Variants in P2RX5 observed in about 807,000 individuals in gnomAD.
P2RX5 encodes the protein P2X purinoceptor 5.
Under a neutral mutation model 54.1 loss-of-function variants are expected in P2RX5, and 46 were observed. That is an observed-to-expected ratio of 0.85 (90% CI 0.67 to 1.09). The LOEUF is 1.09. P2RX5 is among the 50% of genes least tolerant of loss of function. P2RX5 has a pLI of 0.00. For missense variants in P2RX5, 566 were observed against 549.8 expected, an observed-to-expected ratio of 1.03 and a Z score of -0.29; for synonymous variants, 226 against 226.4, an observed-to-expected ratio of 1.00 and a Z score of 0.02.
rs2050752979 is a variant in P2RX5, at chr17:3,696,062, ACTCGGTCC to A, written c.-65_-58del. 6 of 1,597,180 alleles carry A rather than the reference ACTCGGTCC, an allele frequency of 3.8e-6. No individual in the cohort carries two copies. Among genetic ancestry groups the A allele is most frequent in the Non-Finnish European group, 5.1e-6 (6 of 1,170,186 alleles). The stretch of plus-strand genomic sequence containing the variant: ...CGGCCCACGTGCGCTCATGGGGAGC[ACTCGGTCC>A]CTCGGTCCCTGCGCGCCCGGCGCCC... On this transcript the variant is annotated 5_prime_UTR_variant, in exon 1 of 12. Coordinates refer to ENST00000225328, the MANE Select transcript of P2RX5 (RefSeq NM_002561.4).
At chr17:3,691,999 CA>C in intron 1 of P2RX5, 1 of 601,636 alleles carries the variant, frequency 1.7e-6, no homozygotes, top group East Asian at 2.9e-5. Context: ...GCAGAGGCGA[CA>C]AGCAACCCTA....
upstream of P2RX5, among the ~76,000 whole-genome samples, chr17:3,699,400 A>G (rs893301089): frequency 1.3e-5 from 2 of 151,970 alleles, no homozygotes; most frequent in African/African-American, 4.8e-5. Context: ...TCTTAAAAAA[A>G]ATTGACCAGG....
chr17:3,690,630 A>G lies in P2RX5; in HGVS notation c.411T>C (p.Ala137=), dbSNP rs748536925. Residue 137 remains alanine (A), a synonymous_variant, in exon 4 of 12, where the codon GCT becomes GCC. Transcript: ENST00000225328. ...CGTTTCCAGCTGTAACCGCTTCCCC[A>G]GCGTGGCAGTCGCTGTCCTTGGAGC... ...GACSKDSDCH[A]GEAVTAGNGV... 1.2e-6 allele frequency: 2 copies of G among 1,613,462 alleles called. No individual in the cohort carries two copies. Among genetic ancestry groups the G allele is most frequent in the South Asian group, 2.2e-5 (2 of 91,076 alleles).
the P2RX5 span, chr17:3,723,756 G>T: frequency 6.2e-7 from 1 of 1,606,384 alleles, no homozygotes; most frequent in Admixed American, 1.7e-5. Flanking sequence ...TGAAACGAGA[G>T]CCATGACCGC....
chr17:3,693,982 C>T (rs952326122), intron 1 of P2RX5, among the ~76,000 whole-genome samples: 2 of 152,038 alleles, frequency 1.3e-5, no homozygotes, highest in Non-Finnish European at 2.9e-5. Context: ...TCAGGCTAGC[C>T]TTGAACTCCT....
chr17:3,682,395 G>A (rs2050309279), intron 9 of P2RX5: 1 of 324,574 alleles, frequency 3.1e-6, no homozygotes, highest in Non-Finnish European at 6.0e-6. Context: ...ACTTCACTCA[G>A]CCTGGGGAGG....
Position 3,673,787 on chromosome 17 carries a change from C to T in P2RX5, c.*81G>A. 1 of 1,612,022 alleles carries T rather than the reference C, an allele frequency of 6.2e-7. No individual in the cohort carries two copies. Among genetic ancestry groups the T allele is most frequent in the Non-Finnish European group, 8.5e-7 (1 of 1,179,898 alleles). On this transcript the variant is annotated 3_prime_UTR_variant, in exon 12 of 12. Transcript: ENST00000225328. ...GTACAAATTTCCCGTTGGGCAGCATCCTGGGATTCCCAAAGGCATGGGATC... is the reference window on the plus strand; with the variant it reads ...GTACAAATTTCCCGTTGGGCAGCATTCTGGGATTCCCAAAGGCATGGGATC...
chr17:3,692,286 CA>C (rs1446435927), intron 1 of P2RX5, among the ~76,000 whole-genome samples: 2 of 151,984 alleles, frequency 1.3e-5, no homozygotes, highest in Admixed American at 6.5e-5. Flanking sequence ...CACTGCACTC[CA>C]GCCTGGGCGA....
At chr17:3,696,268 TTCC>T (rs113006222), upstream of P2RX5, 421 of 256,518 alleles carry the variant, frequency 1.6e-3, no homozygotes, top group Middle Eastern at 2.2e-3. Context: ...CTACCTCTTC[TTCC>T]TCCTCCTCCT....
chr17:3,678,006 C>G, intron 11 of P2RX5: 1 of 985,444 alleles, frequency 1.0e-6, no homozygotes, highest in Non-Finnish European at 1.2e-6. Flanking sequence ...ACTCCTCTAC[C>G]CAGTTCAGAG....
At chr17:3,689,722 T>G (rs537354182) in intron 6 of P2RX5, 92 bp from the exon 7 acceptor site, 2 of 1,525,882 alleles carry the variant, frequency 1.3e-6, no homozygotes, top group Non-Finnish European at 1.8e-6. Context: ...CCAACCTGAG[T>G]GCTGACAGCT....
chr17:3,695,713 C>T (rs2050739006), intron 1 of P2RX5, among the ~76,000 whole-genome samples, 156 bp downstream of exon 1: 1 of 152,158 alleles, frequency 6.6e-6, no homozygotes, highest in East Asian at 1.9e-4. Flanking sequence ...ACCCAAGGAC[C>T]CAAAGAGGAC....
chr17:3,698,511 C>A (rs1481443891), upstream of P2RX5, among the ~76,000 whole-genome samples: 1 of 152,016 alleles, frequency 6.6e-6, no homozygotes, highest in African/African-American at 2.4e-5. Flanking sequence ...GTAAGTGAGG[C>A]CCCAGAGCAG....
chr17:3,720,441 T>C, the P2RX5 span: 1 of 929,588 alleles, frequency 1.1e-6, no homozygotes, highest in African/African-American at 1.6e-5. Flanking sequence ...ACAAAACATA[T>C]TTTAGACATG....
the P2RX5 span, chr17:3,723,164 T>C: frequency 1.4e-6 from 1 of 713,622 alleles, no homozygotes; most frequent in Admixed American, 2.1e-5. Context: ...AGAGGGTTGG[T>C]TTTTTGCACC....
chr17:3,693,863 G>T (rs2143001792), intron 1 of P2RX5, among the ~76,000 whole-genome samples: 1 of 150,644 alleles, frequency 6.6e-6, no homozygotes, highest in African/African-American at 2.4e-5. Flanking sequence ...TTGCTCTGCT[G>T]CCCAGGCTGC....
the P2RX5 span, among the ~76,000 whole-genome samples, chr17:3,716,093 G>T: frequency 5.9e-5 from 9 of 151,564 alleles, no homozygotes; most frequent in East Asian, 3.9e-4. Context: ...GGGTCAGGGT[G>T]GGGGGAAGGG....
the P2RX5 span, among the ~76,000 whole-genome samples, chr17:3,707,549 A>T: frequency 6.6e-6 from 1 of 152,174 alleles, no homozygotes; most frequent in East Asian, 1.9e-4. Context: ...CTCCAACCTT[A>T]GCCTCAGATC....
the P2RX5 span, chr17:3,717,381 C>T: frequency 6.6e-6 from 1 of 152,266 alleles, no homozygotes; most frequent in African/African-American, 2.4e-5. Flanking sequence ...CAAATTATAT[C>T]CATGTGTACT....
Sources: gnomAD v4.1 joint callset for allele counts (sites outside exome capture counted in the v4.1 genomes callset) on GRCh38, gnomAD v4.1.1 for gene constraint, MANE v1.5 for transcripts, NCBI Gene and HGNC (gene_info 2026-07-23, HGNC 2026-07-21) for gene names.